The following GPC6 variants were observed in gnomAD, a reference collection of about 807,000 sequenced individuals.
GPC6 encodes glypican 6.
In GPC6, 14 loss-of-function variants were observed where a neutral mutation model predicts 55.2. The ratio of observed to expected loss-of-function variants is 0.25; its 90% CI spans 0.17 to 0.40. The LOEUF is 0.40. Ranked by LOEUF, GPC6 falls within the 10% of genes least tolerant of loss-of-function variation. GPC6 has a pLI of 1.00. For synonymous variants in GPC6, 278 were observed against 259.6 expected, an observed-to-expected ratio of 1.07 and a Z score of -0.68; for missense variants, 641 against 708.5, an observed-to-expected ratio of 0.90 and a Z score of 1.08.
At chr13:94,264,732 T>G (rs759044367) in intron 4 of GPC6, among the ~76,000 whole-genome samples, 1 of 152,220 alleles carries the variant, frequency 6.6e-6, no homozygotes, top group Non-Finnish European at 1.5e-5. Context: ...ACAACTCATG[T>G]GTATTAGTTC....
intron 2 of GPC6, among the ~76,000 whole-genome samples, chr13:93,661,633 G>A (rs1880924583): frequency 6.6e-6 from 1 of 152,184 alleles, no homozygotes; most frequent in Non-Finnish European, 1.5e-5. Context: ...CTGAGTGATA[G>A]GGTAATTTTT....
intron 4 of GPC6, among the ~76,000 whole-genome samples, chr13:94,267,972 T>C (rs1166963968): frequency 6.6e-6 from 1 of 152,200 alleles, no homozygotes; most frequent in African/African-American, 2.4e-5. Context: ...AAACAAAAAT[T>C]AAACACAGAT....
intron 6 of GPC6, among the ~76,000 whole-genome samples, chr13:94,365,838 T>G (rs1382641923): frequency 6.6e-6 from 1 of 152,198 alleles, no homozygotes; most frequent in East Asian, 1.9e-4. Flanking sequence ...GTTCCAAATG[T>G]CTGTAGGCTT....
intron 2 of GPC6, among the ~76,000 whole-genome samples, chr13:93,826,296 C>T (rs1887245907): frequency 6.6e-6 from 1 of 152,080 alleles, no homozygotes; most frequent in East Asian, 1.9e-4. Flanking sequence ...AAGAGATTAG[C>T]AGATAACTAC....
At chr13:93,320,035 T>A (rs1445363747) in intron 1 of GPC6, among the ~76,000 whole-genome samples, 1 of 152,128 alleles carries the variant, frequency 6.6e-6, no homozygotes, top group Non-Finnish European at 1.5e-5. Context: ...TTTGATCATA[T>A]GAAAATCCAT....
At chr13:93,316,374 C>G (rs997018939) in intron 1 of GPC6, among the ~76,000 whole-genome samples, 4 of 152,048 alleles carry the variant, frequency 2.6e-5, no homozygotes, top group African/African-American at 7.2e-5. Context: ...TCATGCTTTT[C>G]ATACACATCA....
intron 4 of GPC6, among the ~76,000 whole-genome samples, chr13:94,118,070 T>C (rs1261193944): frequency 6.6e-6 from 1 of 152,100 alleles, no homozygotes; most frequent in Non-Finnish European, 1.5e-5. Flanking sequence ...ATTAAAATTA[T>C]TGAATATGGA....
chr13:93,522,805 A>T (rs1248358683), intron 1 of GPC6, among the ~76,000 whole-genome samples: 1 of 151,878 alleles, frequency 6.6e-6, no homozygotes, highest in Non-Finnish European at 1.5e-5. Context: ...GATTGGAAGC[A>T]AGTCTTTTCT....
chr13:93,817,139 A>G (rs1886881755), intron 2 of GPC6, among the ~76,000 whole-genome samples: 1 of 152,150 alleles, frequency 6.6e-6, no homozygotes, highest in Non-Finnish European at 1.5e-5. Context: ...ATCACCTTGG[A>G]AGTTACTTAA....
At chr13:93,937,884 A>T (rs979261986) in intron 3 of GPC6, among the ~76,000 whole-genome samples, 1 of 152,132 alleles carries the variant, frequency 6.6e-6, no homozygotes, top group African/African-American at 2.4e-5. Flanking sequence ...GGCTATTACT[A>T]CCTTTTAGTA....
intron 4 of GPC6, among the ~76,000 whole-genome samples, chr13:94,136,138 A>T (rs573815226): frequency 6.6e-6 from 1 of 152,352 alleles, no homozygotes; most frequent in South Asian, 2.1e-4. Context: ...AGAAAAGGGA[A>T]TAATCTTAGA....
rs112972152 is a variant in GPC6 at position 93,286,992 on chromosome 13, G to A, written c.160+59376G>A. Among the ~76,000 whole-genome samples, 724 of 151,992 alleles carry A rather than the reference G, an allele frequency of 4.8e-3. 5 individuals are homozygous for A. The highest frequency in any genetic ancestry group is 0.015 in the African/African-American group (625 of 41,442). Reference sequence around the variant, plus strand: ...TTCCGGTGGTTCAATATACACAAACGTTGTTTCATGCACAAATTATTAAAA... The same window carrying A: ...TTCCGGTGGTTCAATATACACAAACATTGTTTCATGCACAAATTATTAAAA... On this transcript the variant is annotated intron_variant, in intron 1 of 8. Transcript: ENST00000377047.
At chr13:93,348,333 A>G (rs1880501095) in intron 1 of GPC6, among the ~76,000 whole-genome samples, 1 of 152,218 alleles carries the variant, frequency 6.6e-6, no homozygotes, top group Non-Finnish European at 1.5e-5. Flanking sequence ...AACTTCTTCA[A>G]TGTCTTGCCA....
intron 3 of GPC6, among the ~76,000 whole-genome samples, chr13:93,835,667 G>C (rs1392466489): frequency 6.6e-6 from 1 of 152,092 alleles, no homozygotes; most frequent in South Asian, 2.1e-4. Flanking sequence ...CAGGAGAATC[G>C]CTTGAACCCG....
At chr13:93,718,841 A>G (rs189490767) in intron 2 of GPC6, among the ~76,000 whole-genome samples, 80 of 152,066 alleles carry the variant, frequency 5.3e-4, no homozygotes, top group Non-Finnish European at 5.2e-4. Flanking sequence ...TAAATAGGGA[A>G]TCCTTTCCTC....
chr13:93,563,479 A>AAAAC lies in GPC6; in HGVS notation c.319+18070_319+18073dup, dbSNP rs142103051. ...AATGACCCTTGGGGAGGGGGTGGGA[A>AAAAC]AAACAAACAAACAAAACAGCCCTGG... On this transcript the variant is annotated intron_variant, in intron 2 of 8. Coordinates refer to ENST00000377047, the MANE Select transcript of GPC6 (RefSeq NM_005708.5). Among the ~76,000 whole-genome samples the AAAAC allele has an allele frequency of 2.0e-5, 3 of 152,168 alleles. No homozygotes were observed. The South Asian group carries it at 6.2e-4, about 32-fold the overall frequency.
In GPC6 at chr13:93,652,609, C is replaced by G. The variant is rs572600837; in HGVS notation, c.319+107188C>G. ...CCTGCAATATGCAGTCAAGACATACCTTTAATTGTCTCCATCCATTTCTAT... is the reference window on the plus strand; with the variant it reads ...CCTGCAATATGCAGTCAAGACATACGTTTAATTGTCTCCATCCATTTCTAT... On this transcript the variant is annotated intron_variant, in intron 2 of 8. Coordinates refer to ENST00000377047, the MANE Select transcript of GPC6 (RefSeq NM_005708.5). Among the ~76,000 whole-genome samples, 14 of 152,240 alleles carry G rather than the reference C, an allele frequency of 9.2e-5. No homozygotes were observed. The South Asian group carries it at 2.7e-3, about 29-fold the overall frequency.
chr13:93,964,748 GT>G lies in GPC6; in HGVS notation c.712-62978del, dbSNP rs147135237. Among the ~76,000 whole-genome samples the G allele has an allele frequency of 3.6e-3, 542 of 152,268 alleles. 3 individuals are homozygous for G. Among genetic ancestry groups the G allele is most frequent in the African/African-American group, 0.012 (485 of 41,554 alleles). On this transcript the variant is annotated intron_variant, in intron 3 of 8. Transcript: ENST00000377047. Reference sequence around the variant, plus strand: ...AAAGCAATACAGTGAAAATTCTGTTGTTTCTCCTATTTCTGAAGTGACTGGC... The same window carrying G: ...AAAGCAATACAGTGAAAATTCTGTTGTTCTCCTATTTCTGAAGTGACTGGC...
intron 1 of GPC6, among the ~76,000 whole-genome samples, chr13:93,324,107 A>C (rs1328869825): frequency 6.6e-6 from 1 of 152,238 alleles, no homozygotes; most frequent in Admixed American, 6.5e-5. Context: ...AGTACTATTC[A>C]GCCATTAAAA....
Sources: gnomAD v4.1 joint callset for allele counts (sites outside exome capture counted in the v4.1 genomes callset) on GRCh38, gnomAD v4.1.1 for gene constraint, MANE v1.5 for transcripts, NCBI Gene and HGNC (gene_info 2026-07-23, HGNC 2026-07-21) for gene names.